Variants in PITPNC1 observed in about 807,000 individuals in gnomAD.
The protein encoded by PITPNC1 is phosphatidylinositol transfer protein cytoplasmic 1.
A neutral mutation model predicts 44.7 loss-of-function variants in PITPNC1; 18 were observed. The observed-to-expected ratio is 0.40, with a 90% confidence interval of 0.28 to 0.60. The LOEUF is 0.60. PITPNC1 is among the 20% of genes least tolerant of loss of function. The probability of loss-of-function intolerance (pLI) is 0.39; values close to 1 mark genes in which losing one functional copy is unlikely to be tolerated. For synonymous variants in PITPNC1, 141 were observed against 149.6 expected (o/e 0.94, Z 0.42); for missense variants, 290 against 418.4 (o/e 0.69, Z 2.68).
intron 1 of PITPNC1, among the ~76,000 whole-genome samples, chr17:67,447,547 G>C (rs1280174104): frequency 6.6e-6 from 1 of 151,598 alleles, no homozygotes; most frequent in Admixed American, 6.6e-5. Flanking sequence ...AAATTTTTTT[G>C]TAGAGGCAGG....
At chr17:67,590,357 T>C (rs2041373979) in intron 5 of PITPNC1, among the ~76,000 whole-genome samples, 1 of 152,198 alleles carries the variant, frequency 6.6e-6, no homozygotes, top group South Asian at 2.1e-4. Context: ...GTATCCTCAG[T>C]CGGAAGACAA....
intron 6 of PITPNC1, among the ~76,000 whole-genome samples, chr17:67,635,249 G>A (rs2042019941): frequency 6.6e-6 from 1 of 152,180 alleles, no homozygotes; most frequent in African/African-American, 2.4e-5. Context: ...GTCGTGGCTT[G>A]CGCTAGAGGG....
chr17:67,687,010 C>T, intron 8 of PITPNC1: 1 of 940,332 alleles, frequency 1.1e-6, no homozygotes, highest in Non-Finnish European at 1.8e-6. Flanking sequence ...CTAAAGTGTC[C>T]CCATTGAAAG....
At chr17:67,496,553 A>G (rs1025265105) in intron 1 of PITPNC1, among the ~76,000 whole-genome samples, 11 of 152,050 alleles carry the variant, frequency 7.2e-5, no homozygotes, top group African/African-American at 2.7e-4. Flanking sequence ...TGGAATTATC[A>G]CAGTTCCACT....
chr17:67,458,902 T>C (rs2039293295), intron 1 of PITPNC1, among the ~76,000 whole-genome samples: 1 of 152,060 alleles, frequency 6.6e-6, no homozygotes, highest in Non-Finnish European at 1.5e-5. Context: ...AATTTCTTAG[T>C]TTAGAACGGC....
chr17:67,458,300 G>A (rs540234162), intron 1 of PITPNC1, among the ~76,000 whole-genome samples: 1 of 152,060 alleles, frequency 6.6e-6, no homozygotes. Context: ...TTCATCATCT[G>A]AATCTTGTAT....
intron 1 of PITPNC1, among the ~76,000 whole-genome samples, chr17:67,396,329 G>C (rs2038219373): frequency 6.6e-6 from 1 of 151,952 alleles, no homozygotes; most frequent in Non-Finnish European, 1.5e-5. Flanking sequence ...TTACATTTAG[G>C]TTATGTTTGT....
intron 6 of PITPNC1, among the ~76,000 whole-genome samples, chr17:67,648,229 A>G (rs181347750): frequency 7.9e-5 from 12 of 152,350 alleles, no homozygotes; most frequent in Admixed American, 5.9e-4. Flanking sequence ...GATATTTGTC[A>G]GCCTATTATC....
intron 1 of PITPNC1, among the ~76,000 whole-genome samples, chr17:67,444,925 G>T (rs1260879477): frequency 2.6e-5 from 4 of 151,952 alleles, no homozygotes; most frequent in African/African-American, 9.7e-5. Flanking sequence ...GTATATAAGT[G>T]TATTAGTGTG....
intron 1 of PITPNC1, among the ~76,000 whole-genome samples, chr17:67,506,584 T>C (rs2040104516): frequency 6.6e-6 from 1 of 152,182 alleles, no homozygotes; most frequent in African/African-American, 2.4e-5. Context: ...AGGACAGGAT[T>C]TGCCTATTTT....
intron 1 of PITPNC1, among the ~76,000 whole-genome samples, chr17:67,472,596 G>A (rs1452138731): frequency 1.3e-5 from 2 of 150,244 alleles, no homozygotes; most frequent in African/African-American, 2.5e-5. Context: ...GCAGTAAGCC[G>A]AGATTGCACC....
intron 1 of PITPNC1, among the ~76,000 whole-genome samples, chr17:67,440,609 G>T (rs1163297590): frequency 6.6e-6 from 1 of 151,456 alleles, no homozygotes; most frequent in African/African-American, 2.4e-5. Context: ...ATGGCTCACT[G>T]CAGTCTCTAC....
intron 6 of PITPNC1, among the ~76,000 whole-genome samples, chr17:67,662,163 G>T (rs924029107): frequency 1.3e-5 from 2 of 152,040 alleles, no homozygotes; most frequent in Admixed American, 6.6e-5. Context: ...CATTGAAAGC[G>T]TACAACTTGG....
chr17:67,400,149 T>C (rs996731277), intron 1 of PITPNC1, among the ~76,000 whole-genome samples: 3 of 152,334 alleles, frequency 2.0e-5, no homozygotes, highest in South Asian at 4.1e-4. Flanking sequence ...TCTAGTGCCA[T>C]AGGTATTTTG....
chr17:67,551,703 G>T (rs978095243), intron 2 of PITPNC1, among the ~76,000 whole-genome samples: 1 of 152,158 alleles, frequency 6.6e-6, no homozygotes, highest in East Asian at 1.9e-4. Context: ...ACAGTTACTG[G>T]AGATTAAGAT....
intron 3 of PITPNC1, among the ~76,000 whole-genome samples, chr17:67,552,918 T>C (rs567059793): frequency 2.6e-5 from 4 of 152,204 alleles, no homozygotes; most frequent in African/African-American, 7.2e-5. Context: ...TCCCAAGTAA[T>C]TTAGGGGTAT....
At chr17:67,390,233 A>G (rs938604856) in intron 1 of PITPNC1, among the ~76,000 whole-genome samples, 4 of 152,216 alleles carry the variant, frequency 2.6e-5, no homozygotes, top group African/African-American at 9.6e-5. Context: ...GACCAGAATG[A>G]CTGCAATTTA....
At chr17:67,613,390 C>A (rs1433206169) in intron 5 of PITPNC1, 1 of 152,076 alleles carries the variant, frequency 6.6e-6, no homozygotes, top group Non-Finnish European at 1.5e-5. Flanking sequence ...CCAGGAGATT[C>A]ATTAGGTCAT....
intron 1 of PITPNC1, among the ~76,000 whole-genome samples, chr17:67,393,894 A>G (rs1158955925): frequency 6.6e-6 from 1 of 152,220 alleles, no homozygotes; most frequent in Non-Finnish European, 1.5e-5. Flanking sequence ...ATATAACTTA[A>G]GTCAGTGTAA....
Sources: gnomAD v4.1 joint callset for allele counts (sites outside exome capture counted in the v4.1 genomes callset) on GRCh38, gnomAD v4.1.1 for gene constraint, MANE v1.5 for transcripts, NCBI Gene and HGNC (gene_info 2026-07-23, HGNC 2026-07-21) for gene names.